Variants in SAMSN1 observed in about 807,000 individuals in gnomAD.
SAMSN1 encodes the protein SAM domain, SH3 domain and nuclear localization signals 1, also known as SAM domain-containing protein SAMSN-1.
Under a neutral mutation model 42.0 loss-of-function variants are expected in SAMSN1, and 31 were observed. The ratio of observed to expected loss-of-function variants is 0.74; its 90% CI spans 0.55 to 1.00. The LOEUF is 1.00. SAMSN1 is among the 50% of genes least tolerant of loss of function. The pLI is 0.00. For missense variants in SAMSN1, 464 were observed against 439.4 expected (o/e 1.06, Z -0.50); for synonymous variants, 178 against 151.9 (o/e 1.17, Z -1.26).
intron 2 of SAMSN1, among the ~76,000 whole-genome samples, chr21:14,563,546 G>A (rs1981012838): frequency 6.6e-6 from 1 of 152,098 alleles, no homozygotes; most frequent in Non-Finnish European, 1.5e-5. Context: ...CTCAATTTAA[G>A]GGGAAAAAAA....
intron 2 of SAMSN1, among the ~76,000 whole-genome samples, chr21:14,627,166 T>C (rs1308667088): frequency 6.6e-6 from 1 of 152,028 alleles, no homozygotes; most frequent in Admixed American, 6.6e-5. Context: ...TTAGGAGATA[T>C]ACCTAATGTA....
At chr21:14,601,949 A>T (rs1308146518) in intron 6 of SAMSN1, 1 of 550,796 alleles carries the variant, frequency 1.8e-6, no homozygotes, top group African/African-American at 1.9e-5. Context: ...ATTGTACACT[A>T]TGCCTAATAT....
chr21:14,562,524 T>A (rs2123201415), intron 2 of SAMSN1, among the ~76,000 whole-genome samples: 1 of 149,738 alleles, frequency 6.7e-6, no homozygotes, highest in South Asian at 2.1e-4. Flanking sequence ...TAATACTATC[T>A]ATACTATATA....
chr21:14,530,418 A>G (rs992468366), intron 1 of SAMSN1, among the ~76,000 whole-genome samples: 3 of 152,116 alleles, frequency 2.0e-5, no homozygotes, highest in African/African-American at 7.2e-5. Context: ...TATGCTATGT[A>G]TAAGATGGAT....
intron 2 of SAMSN1, among the ~76,000 whole-genome samples, chr21:14,638,941 G>A (rs1600978874): frequency 6.6e-6 from 1 of 152,172 alleles, no homozygotes; most frequent in South Asian, 2.1e-4. Flanking sequence ...TCTTTAGCTT[G>A]AGTAATGAAC....
chr21:14,627,530 C>G (rs1983214432), intron 2 of SAMSN1, among the ~76,000 whole-genome samples: 1 of 152,198 alleles, frequency 6.6e-6, no homozygotes, highest in Non-Finnish European at 1.5e-5. Context: ...TGACTCCAAA[C>G]TGATCTAGAA....
At chr21:14,512,087 T>C (rs141564008) in intron 4 of SAMSN1, among the ~76,000 whole-genome samples, 4 of 152,278 alleles carry the variant, frequency 2.6e-5, no homozygotes, top group Non-Finnish European at 5.9e-5. Context: ...ATTTCATTTA[T>C]CTGAATACTT....
Position 14,485,650 on chromosome 21 carries a change from C to A in SAMSN1, c.*262G>T. 1 of 301,080 alleles carries A rather than the reference C, an allele frequency of 3.3e-6. No homozygotes were observed. Among genetic ancestry groups the A allele is most frequent in the Non-Finnish European group, 6.2e-6 (1 of 162,330 alleles). The allele number at this position is 301,080 out of a possible 1,614,324, so 18.7% of individuals were successfully genotyped here. On this transcript the variant is annotated 3_prime_UTR_variant, in exon 8 of 8. Transcript: ENST00000400566. ...CCAAATAAAGCATATGTCACACATA[C>A]CAAAGTCTTACATTTTGCCTTTCTA...
chr21:14,613,842 T>C (rs934321432), intron 3 of SAMSN1, among the ~76,000 whole-genome samples: 1 of 151,972 alleles, frequency 6.6e-6, no homozygotes, highest in African/African-American at 2.4e-5. Flanking sequence ...TTTCATACTT[T>C]ATATATATTT....
At chr21:14,612,724 C>T in intron 4 of SAMSN1, 4 of 655,174 alleles carry the variant, frequency 6.1e-6, no homozygotes, top group Non-Finnish European at 8.6e-6. Flanking sequence ...AGAATGAAGC[C>T]ACTTTTAAAA....
chr21:14,562,837 G>A (rs926816223), intron 2 of SAMSN1, among the ~76,000 whole-genome samples: 7 of 152,136 alleles, frequency 4.6e-5, no homozygotes, highest in Admixed American at 3.9e-4. Flanking sequence ...GTAATTTTCT[G>A]TTACGTATAT....
intron 2 of SAMSN1, among the ~76,000 whole-genome samples, chr21:14,625,904 C>T (rs1034530602): frequency 2.0e-5 from 3 of 152,194 alleles, no homozygotes; most frequent in Admixed American, 6.5e-5. Flanking sequence ...GTAACCAAAA[C>T]AGCATGGTAC....
chr21:14,540,832 A>G (rs111289388), intron 1 of SAMSN1, among the ~76,000 whole-genome samples: 2,932 of 152,328 alleles, frequency 0.019, 42 homozygotes, highest in African/African-American at 0.038. Context: ...ACACATGCAC[A>G]TGTATGTTTA....
chr21:14,648,204 C>G (rs1983758056), intron 1 of SAMSN1, among the ~76,000 whole-genome samples: 1 of 151,022 alleles, frequency 6.6e-6, no homozygotes, highest in African/African-American at 2.5e-5. Context: ...GAAGGGAAAA[C>G]TGGCTAGCCA....
chr21:14,632,200 T>G (rs1983348113), intron 2 of SAMSN1, among the ~76,000 whole-genome samples: 1 of 151,974 alleles, frequency 6.6e-6, no homozygotes, highest in Admixed American at 6.6e-5. Context: ...CTAACTGTGA[T>G]AGAAGCAGCA....
intron 2 of SAMSN1, chr21:14,642,912 T>C: frequency 1.7e-6 from 1 of 601,404 alleles, no homozygotes; most frequent in Non-Finnish European, 3.1e-6. Context: ...GAACAGTGAA[T>C]TTTTGCTGTA....
rs960305668 is a variant in SAMSN1, at chr21:14,498,325, T to C, written c.919+117A>G. 3.7e-5 allele frequency: 30 copies of C among 817,790 alleles called. No individual in the cohort carries two copies. The Middle Eastern group carries it at 1.6e-3, about 44-fold the overall frequency. The allele number at this position is 817,790 out of a possible 1,614,324, so 50.7% of individuals were successfully genotyped here. A position where few individuals can be genotyped will look rare whatever the true frequency, so the allele number is the denominator to read the frequency against. On this transcript the variant is annotated intron_variant, in intron 7 of 7. Coordinates refer to ENST00000400566, the MANE Select transcript of SAMSN1 (RefSeq NM_022136.5). ...AACTTATATGAAAATACCTATTTTATGGGAAAGCGTGCTTTCATGATCTCA... is the reference window on the plus strand; with the variant it reads ...AACTTATATGAAAATACCTATTTTACGGGAAAGCGTGCTTTCATGATCTCA...
At chr21:14,575,274 T>A (rs1331894428) in intron 2 of SAMSN1, among the ~76,000 whole-genome samples, 2 of 152,228 alleles carry the variant, frequency 1.3e-5, no homozygotes, top group African/African-American at 4.8e-5. Flanking sequence ...AATTTCATCA[T>A]GTAAAATTGT....
At chr21:14,652,934 G>T (rs1212643845) in intron 1 of SAMSN1, among the ~76,000 whole-genome samples, 2 of 151,986 alleles carry the variant, frequency 1.3e-5, no homozygotes, top group Non-Finnish European at 2.9e-5. Flanking sequence ...ATGTGAAAAA[G>T]TGCTCAACGT....
Sources: allele counts gnomAD v4.1 joint callset (sites outside exome capture counted in the v4.1 genomes callset), GRCh38; gene constraint gnomAD v4.1.1; transcripts MANE v1.5; gene names NCBI Gene and HGNC (gene_info 2026-07-23, HGNC 2026-07-21).